The following CHCHD3 variants were observed in gnomAD, a reference collection of about 807,000 sequenced individuals.
CHCHD3 encodes the protein coiled-coil-helix-coiled-coil-helix domain containing 3.
CHCHD3 carries 20 observed loss-of-function variants against 38.2 expected under a neutral mutation model. The observed-to-expected ratio is 0.52, with a 90% CI of 0.37 to 0.76. The LOEUF is 0.76. Among genes scored for constraint, CHCHD3 ranks in the 30% least tolerant of loss-of-function variants. The pLI, the probability that CHCHD3 is intolerant of heterozygous loss-of-function variation, is 0.00. For synonymous variants in CHCHD3, 82 were observed against 100.0 expected, an observed-to-expected ratio of 0.82 and a Z score of 1.07; for missense variants, 245 against 279.2, an observed-to-expected ratio of 0.88 and a Z score of 0.87.
intron 5 of CHCHD3, among the ~76,000 whole-genome samples, chr7:132,869,923 G>A (rs908655694): frequency 1.3e-5 from 2 of 151,928 alleles, no homozygotes; most frequent in Admixed American, 1.3e-4. Flanking sequence ...ATGCATGAAA[G>A]AGTTCTGAAA....
chr7:132,937,328 T>C (rs113505021), intron 4 of CHCHD3, among the ~76,000 whole-genome samples: 3,278 of 152,270 alleles, frequency 0.022, 145 homozygotes, highest in African/African-American at 0.074. Flanking sequence ...AAAAATCCTA[T>C]TTTTGGGACT....
At chr7:132,812,042 T>A (rs1807083292) in intron 6 of CHCHD3, among the ~76,000 whole-genome samples, 1 of 150,066 alleles carries the variant, frequency 6.7e-6, no homozygotes, top group African/African-American at 2.5e-5. Context: ...TCCAATTTAT[T>A]TTTTTTCTTC....
intron 5 of CHCHD3, among the ~76,000 whole-genome samples, chr7:132,844,386 G>C (rs1303914571): frequency 6.6e-6 from 1 of 152,124 alleles, no homozygotes; most frequent in Non-Finnish European, 1.5e-5. Context: ...TCATTTTTTT[G>C]TGTGTAACAA....
In CHCHD3 at chr7:133,035,897, C is replaced by A. The variant is rs1216194062; in HGVS notation, c.170-11270G>T. ...TGAAGGCCCTCCAGTTTTCAGGATACGTGTACAGGGTCCCAGCCGCCATGG... is the reference window on the plus strand; with the variant it reads ...TGAAGGCCCTCCAGTTTTCAGGATAAGTGTACAGGGTCCCAGCCGCCATGG... On this transcript the variant is annotated intron_variant, in intron 2 of 7. Transcript: ENST00000262570. The surrounding 1 kb of genome is among the most constrained non-coding windows in gnomAD (Gnocchi z 4.7). 4.3e-6 allele frequency: 7 copies of A among 1,610,292 alleles called. No homozygotes were observed. In the East Asian group the frequency reaches 1.3e-4, roughly 31 times the overall value.
At chr7:132,787,227 T>C (rs1806342799) in intron 7 of CHCHD3, among the ~76,000 whole-genome samples, 2 of 152,104 alleles carry the variant, frequency 1.3e-5, no homozygotes, top group African/African-American at 4.8e-5. Flanking sequence ...GGCTGAGACA[T>C]GTCCTGCTAG....
intron 2 of CHCHD3, among the ~76,000 whole-genome samples, chr7:133,045,546 G>A (rs542099201): frequency 6.6e-6 from 1 of 152,178 alleles, no homozygotes; most frequent in African/African-American, 2.4e-5. Flanking sequence ...TTATCTTTAG[G>A]GGAGAGGTAG....
At chr7:133,032,378 T>A (rs960073330) in intron 2 of CHCHD3, among the ~76,000 whole-genome samples, 4 of 152,200 alleles carry the variant, frequency 2.6e-5, no homozygotes, top group Admixed American at 6.5e-5. Context: ...AGTTCTGCAC[T>A]GCACATTCAT....
chr7:133,037,611 G>A (rs1402665938), intron 2 of CHCHD3, among the ~76,000 whole-genome samples: 3 of 152,112 alleles, frequency 2.0e-5, no homozygotes, highest in Non-Finnish European at 2.9e-5. Context: ...TCAGGAGTTC[G>A]AGACCGGCCT....
At chr7:132,971,882 AG>A (rs1289096718) in intron 4 of CHCHD3, among the ~76,000 whole-genome samples, 1 of 152,208 alleles carries the variant, frequency 6.6e-6, no homozygotes, top group Non-Finnish European at 1.5e-5. Context: ...CCAAAATAGC[AG>A]GAGCAATGCT....
At chr7:132,996,742 G>T (rs1812427384) in intron 3 of CHCHD3, among the ~76,000 whole-genome samples, 1 of 152,194 alleles carries the variant, frequency 6.6e-6, no homozygotes, top group South Asian at 2.1e-4. Context: ...AGGCAGCGGT[G>T]CGATGCTGAG....
chr7:133,047,083 C>T (rs1814013630), intron 2 of CHCHD3, among the ~76,000 whole-genome samples: 1 of 152,158 alleles, frequency 6.6e-6, no homozygotes. Context: ...CCACGAGCTG[C>T]TGGGATATGC....
intron 3 of CHCHD3, among the ~76,000 whole-genome samples, chr7:133,002,176 GAA>G (rs1373735421): frequency 6.6e-6 from 1 of 152,208 alleles, no homozygotes; most frequent in East Asian, 1.9e-4. Context: ...TTCAAAGAGA[GAA>G]AAGAGTTATC....
intron 4 of CHCHD3, among the ~76,000 whole-genome samples, chr7:132,933,728 TACTC>T (rs1396099783): frequency 1.3e-5 from 2 of 152,190 alleles, no homozygotes; most frequent in African/African-American, 2.4e-5. Flanking sequence ...AAAACTTTAT[TACTC>T]ACTCAGGCAC....
chr7:132,985,531 C>T lies in CHCHD3; in HGVS notation c.252-10245G>A, dbSNP rs556713833. On this transcript the variant is annotated intron_variant, in intron 3 of 7. Coordinates refer to ENST00000262570, the MANE Select transcript of CHCHD3 (RefSeq NM_017812.4). ...GGGGTCAGCCCCCGGCCCGGCCAGC[C>T]GCCCCGTCCAGGAGGGAGGTGGGGG... 3.5e-5 allele frequency among the ~76,000 whole-genome samples: 3 copies of T among 84,858 alleles called. 1 individual carries two copies. Among genetic ancestry groups the T allele is most frequent in the South Asian group, 3.8e-4 (1 of 2,650 alleles). 55.7% of individuals were successfully genotyped at this position (84,858 alleles called of 152,430 possible).
intron 4 of CHCHD3, among the ~76,000 whole-genome samples, chr7:132,962,898 T>G (rs529709327): frequency 2.6e-5 from 4 of 152,180 alleles, no homozygotes; most frequent in Non-Finnish European, 5.9e-5. Context: ...TCAACTATAA[T>G]AGTTGCCAAT....
At chr7:132,882,265 C>G (rs28520999) in intron 5 of CHCHD3, among the ~76,000 whole-genome samples, 108,366 of 151,842 alleles carry the variant, frequency 0.71, 38,763 homozygotes, top group African/African-American at 0.75. Context: ...CGAACAGCCA[C>G]ATGACAAAAG....
chr7:132,846,449 C>T (rs1185287406), intron 5 of CHCHD3, among the ~76,000 whole-genome samples: 3 of 152,180 alleles, frequency 2.0e-5, no homozygotes, highest in Non-Finnish European at 4.4e-5. Flanking sequence ...CTGTTTTAAG[C>T]CACTAAGTTT....
chr7:132,937,235 C>T (rs1325664162), intron 4 of CHCHD3, among the ~76,000 whole-genome samples: 1 of 152,044 alleles, frequency 6.6e-6, no homozygotes. Context: ...AAAAAACTCA[C>T]AAAAAGTAGT....
At chr7:132,860,778 C>G (rs562366713) in intron 5 of CHCHD3, among the ~76,000 whole-genome samples, 9 of 152,254 alleles carry the variant, frequency 5.9e-5, no homozygotes, top group Non-Finnish European at 1.0e-4. Context: ...AGGTGCATGC[C>G]ACACCTGGCT....
Sources: allele counts gnomAD v4.1 joint callset (sites outside exome capture counted in the v4.1 genomes callset), GRCh38; gene constraint gnomAD v4.1.1; non-coding constraint Gnocchi (gnomAD v3.1); transcripts MANE v1.5; gene names NCBI Gene and HGNC (gene_info 2026-07-23, HGNC 2026-07-21).